Variants in LRRC8C observed in about 807,000 individuals in gnomAD.
LRRC8C encodes the protein leucine rich repeat containing 8 VRAC subunit C.
In LRRC8C, 20 loss-of-function variants were observed where a neutral mutation model predicts 55.3. The ratio of observed to expected loss-of-function variants is 0.36; its 90% CI spans 0.25 to 0.53. The LOEUF (loss-of-function observed/expected upper bound fraction) is 0.53, where lower values mean the gene tolerates loss of function less well. Among genes scored for constraint, LRRC8C ranks in the 20% least tolerant of loss-of-function variants. The pLI is 0.92. For synonymous variants in LRRC8C, 376 were observed against 360.7 expected, an observed-to-expected ratio of 1.04 and a Z score of -0.48; for missense variants, 659 against 951.4, an observed-to-expected ratio of 0.69 and a Z score of 4.04.
At chr1:89,641,858 T>C (rs113989726) in intron 1 of LRRC8C, among the ~76,000 whole-genome samples, 4,124 of 152,304 alleles carry the variant, frequency 0.027, 189 homozygotes, top group African/African-American at 0.094. Flanking sequence ...GGCTTCTATA[T>C]TTCTGTGTTC....
At chr1:89,645,353 A>T (rs1174692411) in intron 1 of LRRC8C, among the ~76,000 whole-genome samples, 1 of 152,186 alleles carries the variant, frequency 6.6e-6, no homozygotes, top group Admixed American at 6.5e-5. Flanking sequence ...TTGAAAAAAA[A>T]TTGCACAGAG....
chr1:89,689,863 C>T (rs1185258568), intron 2 of LRRC8C, among the ~76,000 whole-genome samples: 1 of 152,016 alleles, frequency 6.6e-6, no homozygotes, highest in African/African-American at 2.4e-5. Context: ...ATCGCCTGAA[C>T]CCGGGAGGCA....
intron 1 of LRRC8C, among the ~76,000 whole-genome samples, chr1:89,672,280 A>G (rs1334319100): frequency 6.6e-6 from 1 of 152,058 alleles, no homozygotes. Context: ...CCTAACATAT[A>G]CTGTCAGAGT....
chr1:89,697,412 C>T (rs1042828162), intron 2 of LRRC8C, among the ~76,000 whole-genome samples: 1 of 152,136 alleles, frequency 6.6e-6, no homozygotes, highest in African/African-American at 2.4e-5. Context: ...TCTACTCCTG[C>T]TCACAGATTT....
At position 89,717,758 on chromosome 1, in the gene LRRC8C, C is replaced by G. The variant is rs1437819242; in HGVS notation, c.*2776C>G. 1.3e-5 allele frequency: 2 copies of G among 152,122 alleles called. No homozygotes were observed. The highest frequency in any genetic ancestry group is 2.4e-5 in the African/African-American group (1 of 41,418). 9.4% of individuals were successfully genotyped at this position (152,122 alleles called of 1,614,324 possible). A position where few individuals can be genotyped will look rare whatever the true frequency, so the allele number is the denominator to read the frequency against. On this transcript the variant is annotated 3_prime_UTR_variant, in exon 3 of 3. Coordinates refer to ENST00000370454, the MANE Select transcript of LRRC8C (RefSeq NM_032270.5). ...ACTTTTCTAAAGTTCTTTAACTGAT[C>G]AATTCTGTATAGAGGGATATTTATC...
chr1:89,632,929 T>TC (rs1656152755), upstream of LRRC8C: 1 of 152,212 alleles, frequency 6.6e-6, no homozygotes, highest in Admixed American at 6.6e-5. Context: ...GGGAGGAAGT[T>TC]CCCGGGCGGC....
intron 1 of LRRC8C, among the ~76,000 whole-genome samples, chr1:89,644,089 A>G (rs899313974): frequency 6.6e-6 from 1 of 152,274 alleles, no homozygotes; most frequent in African/African-American, 2.4e-5. Context: ...TAAAACATCA[A>G]TGGTAGGATA....
At chr1:89,697,942 A>G (rs1247014121) in intron 2 of LRRC8C, among the ~76,000 whole-genome samples, 1 of 152,240 alleles carries the variant, frequency 6.6e-6, no homozygotes, top group Non-Finnish European at 1.5e-5. Flanking sequence ...ATGAACATTA[A>G]TAGTATGTAT....
chr1:89,648,557 T>TGCA (rs1656676123), intron 1 of LRRC8C, among the ~76,000 whole-genome samples: 1 of 152,200 alleles, frequency 6.6e-6, no homozygotes, highest in African/African-American at 2.4e-5. Context: ...ATGAATGAAT[T>TGCA]GCACAAACTA....
chr1:89,688,291 G>A (rs190194975), intron 2 of LRRC8C, among the ~76,000 whole-genome samples: 29 of 152,266 alleles, frequency 1.9e-4, no homozygotes, highest in Admixed American at 4.6e-4. Flanking sequence ...AACCTACTGC[G>A]TATCAGGCAC....
chr1:89,711,409 C>G (rs1658645431), intron 2 of LRRC8C, among the ~76,000 whole-genome samples: 1 of 152,242 alleles, frequency 6.6e-6, no homozygotes, highest in South Asian at 2.1e-4. Context: ...TGCAAAATCA[C>G]TAACCACTGC....
At position 89,695,181 on chromosome 1, in the gene LRRC8C, C is replaced by T. The variant is rs141348511; in HGVS notation, c.138+8570C>T. On this transcript the variant is annotated intron_variant, in intron 2 of 2. Coordinates refer to ENST00000370454, the MANE Select transcript of LRRC8C (RefSeq NM_032270.5). ...AGGTGATCTGCCCCCCTCGGGCTCC[C>T]AAAGTGCTGGGATTACAGGCATGAA... is the stretch of plus-strand genomic sequence containing the variant. Among the ~76,000 whole-genome samples, 530 of 152,222 alleles carry T rather than the reference C, an allele frequency of 3.5e-3. 7 individuals are homozygous for T. The highest frequency in any genetic ancestry group is 0.012 in the African/African-American group (502 of 41,536).
intron 1 of LRRC8C, among the ~76,000 whole-genome samples, chr1:89,674,359 G>A (rs1657499651): frequency 6.6e-6 from 1 of 152,232 alleles, no homozygotes; most frequent in Non-Finnish European, 1.5e-5. Context: ...AGCATCAAAT[G>A]TGTTTGCATT....
chr1:89,632,825 G>C (rs1448095601), upstream of LRRC8C: 1 of 152,420 alleles, frequency 6.6e-6, no homozygotes, highest in Non-Finnish European at 1.5e-5. Flanking sequence ...GTCGTGAAGC[G>C]GAGAGAGGAT....
chr1:89,718,953 C>T lies in LRRC8C; in HGVS notation c.*3971C>T, dbSNP rs747676269. The T allele has an allele frequency of 2.0e-5, 3 of 152,156 alleles. No individual in the cohort carries two copies. The highest frequency in any genetic ancestry group is 4.4e-5 in the Non-Finnish European group (3 of 68,020). 9.4% of individuals were successfully genotyped at this position (152,156 alleles called of 1,614,324 possible). A position where few individuals can be genotyped will look rare whatever the true frequency, so the allele number is the denominator to read the frequency against. On this transcript the variant is annotated 3_prime_UTR_variant, in exon 3 of 3. Transcript: ENST00000370454. ...ATTGCAAGAAACCTTGGACAGTCTTCACCAGACCTGCCATGATTTTATAAG... is the reference window on the plus strand; with the variant it reads ...ATTGCAAGAAACCTTGGACAGTCTTTACCAGACCTGCCATGATTTTATAAG...
intron 1 of LRRC8C, among the ~76,000 whole-genome samples, chr1:89,680,914 C>A (rs1214272587): frequency 6.6e-6 from 1 of 151,962 alleles, no homozygotes; most frequent in Non-Finnish European, 1.5e-5. Context: ...AAAAGGTTAC[C>A]GAAGCAGAGA....
chr1:89,659,907 G>GA (rs1657065855), intron 1 of LRRC8C, among the ~76,000 whole-genome samples: 4 of 152,328 alleles, frequency 2.6e-5, no homozygotes, highest in African/African-American at 9.6e-5. Context: ...GTGTGGGAAT[G>GA]GAGATAGTTG....
At chr1:89,690,937 G>A (rs1455177677) in intron 2 of LRRC8C, among the ~76,000 whole-genome samples, 3 of 152,154 alleles carry the variant, frequency 2.0e-5, no homozygotes, top group African/African-American at 7.2e-5. Context: ...CCAGTTGACT[G>A]GGTACAAGAA....
At chr1:89,705,826 CA>C (rs1179894123) in intron 2 of LRRC8C, among the ~76,000 whole-genome samples, 3 of 151,668 alleles carry the variant, frequency 2.0e-5, no homozygotes, top group Non-Finnish European at 4.4e-5. Flanking sequence ...TTTATGGTAG[CA>C]AAAAAATAAA....
Sources: gnomAD v4.1 joint callset for allele counts (sites outside exome capture counted in the v4.1 genomes callset) on GRCh38, gnomAD v4.1.1 for gene constraint, MANE v1.5 for transcripts, NCBI Gene and HGNC (gene_info 2026-07-23, HGNC 2026-07-21) for gene names.